Variants in LRGUK observed in about 807,000 individuals in gnomAD.
The protein encoded by LRGUK is leucine-rich repeat and guanylate kinase domain-containing protein.
In LRGUK, 65 loss-of-function variants were observed where a neutral mutation model predicts 76.0. The ratio of observed to expected loss-of-function variants is 0.85; its 90% confidence interval spans 0.70 to 1.05. LRGUK has a LOEUF of 1.05. Among genes scored for constraint, LRGUK ranks in the 50% least tolerant of loss-of-function variants. LRGUK has a pLI of 0.00. For synonymous variants in LRGUK, 268 were observed against 265.6 expected (o/e 1.01, Z -0.09); for missense variants, 758 against 732.8 (o/e 1.03, Z -0.40).
At chr7:134,132,396 C>T (rs1310787018) in intron 1 of LRGUK, among the ~76,000 whole-genome samples, 1 of 151,960 alleles carries the variant, frequency 6.6e-6, no homozygotes, top group Non-Finnish European at 1.5e-5. Context: ...GGTTACGCTA[C>T]AAATAGGTTA....
intron 18 of LRGUK, among the ~76,000 whole-genome samples, chr7:134,249,370 A>G (rs529030122): frequency 6.6e-6 from 1 of 152,330 alleles, no homozygotes; most frequent in East Asian, 1.9e-4. Context: ...CCGAGATTTC[A>G]GAGGAAGAGC....
intron 18 of LRGUK, among the ~76,000 whole-genome samples, chr7:134,250,782 G>A (rs1802423498): frequency 6.6e-6 from 1 of 152,144 alleles, no homozygotes; most frequent in Non-Finnish European, 1.5e-5. Flanking sequence ...GTACAGTGAG[G>A]TAGGCAGATG....
Position 134,127,371 on chromosome 7 carries a change from G to A in LRGUK, c.4G>A (p.Ala2Thr), listed in dbSNP as rs1396597815. Residue 2 changes from alanine (A) to threonine (T), a missense_variant, in exon 1 of 16, where the codon GCG becomes ACG. Coordinates refer to ENST00000645682, the Ensembl canonical transcript of LRGUK. ...CTAGGCAACCCCGCTAAACAAGATG[G>A]CGACCTCCGAGAGGGCTCTCCTGAG... 7 of 1,597,116 alleles carry A rather than the reference G, an allele frequency of 4.4e-6. No homozygotes were observed. The East Asian group carries it at 1.1e-4, about 26-fold the overall frequency.
chr7:134,194,820 C>T (rs1005703683), intron 12 of LRGUK, among the ~76,000 whole-genome samples: 4 of 152,136 alleles, frequency 2.6e-5, no homozygotes, highest in African/African-American at 9.7e-5. Flanking sequence ...CAGTGTGAGC[C>T]GGGCAGCCAG....
intron 19 of LRGUK, among the ~76,000 whole-genome samples, chr7:134,259,040 A>G (rs1253091993): frequency 6.6e-6 from 1 of 152,156 alleles, no homozygotes; most frequent in African/African-American, 2.4e-5. Context: ...GACTCCATTC[A>G]ATGAAGGTGA....
At chr7:134,176,637 C>G (rs1192413681) in intron 8 of LRGUK, among the ~76,000 whole-genome samples, 2 of 151,952 alleles carry the variant, frequency 1.3e-5, no homozygotes, top group African/African-American at 2.4e-5. Flanking sequence ...GCCTTGGCCT[C>G]GCAAAGTGCT....
chr7:134,188,055 A>C (rs1295380748), intron 11 of LRGUK, among the ~76,000 whole-genome samples: 2 of 152,240 alleles, frequency 1.3e-5, no homozygotes, highest in Non-Finnish European at 2.9e-5. Context: ...AGAATGGTTC[A>C]TTTATTCATT....
chr7:134,144,133 C>T (rs1028084170), intron 4 of LRGUK, among the ~76,000 whole-genome samples: 10 of 152,160 alleles, frequency 6.6e-5, no homozygotes, highest in Non-Finnish European at 1.0e-4. Flanking sequence ...ATTCTTGTCT[C>T]ACCACAACTT....
chr7:134,141,789 A>G (rs979832480), intron 3 of LRGUK: 1 of 152,176 alleles, frequency 6.6e-6, no homozygotes, highest in South Asian at 2.1e-4. Context: ...AAGCAATTAC[A>G]GTTTCTCCTT....
In LRGUK at chr7:134,178,492, T is replaced by A. The variant is rs977228168; in HGVS notation, c.1108-11T>A. On this transcript the variant is annotated splice_polypyrimidine_tract_variant and intron_variant, in intron 9 of 15. Transcript: ENST00000645682. ...CTTTTTTTCCCTTTTACATCTCTAA[T>A]TCTGGAAAAGGTTTCAGCAGTGAAT... is the stretch of plus-strand genomic sequence containing the variant. 1.9e-6 allele frequency: 3 copies of A among 1,593,080 alleles called. No individual in the cohort carries two copies. Among genetic ancestry groups the A allele is most frequent in the Non-Finnish European group, 2.6e-6 (3 of 1,170,272 alleles).
intron 15 of LRGUK, 42 bp downstream of exon 15, chr7:134,201,618 C>A: frequency 7.7e-7 from 1 of 1,301,962 alleles, no homozygotes; most frequent in South Asian, 1.3e-5. Flanking sequence ...TTTTTTTTTT[C>A]ATGGAAAGGA....
chr7:134,223,927 G>C (rs1400103124), intron 16 of LRGUK, among the ~76,000 whole-genome samples: 3 of 152,104 alleles, frequency 2.0e-5, no homozygotes, highest in Non-Finnish European at 4.4e-5. Flanking sequence ...CAGCTAACTA[G>C]TAGGTTTTTT....
chr7:134,257,565 G>A (rs142791035), intron 18 of LRGUK, among the ~76,000 whole-genome samples: 121 of 152,260 alleles, frequency 7.9e-4, no homozygotes, highest in Non-Finnish European at 1.4e-3. Flanking sequence ...CAGTACTTTC[G>A]GAGGCCGAGG....
intron 15 of LRGUK, among the ~76,000 whole-genome samples, chr7:134,203,064 G>A (rs1279018897): frequency 1.3e-5 from 2 of 152,060 alleles, no homozygotes; most frequent in Non-Finnish European, 1.5e-5. Context: ...TTAGCCAGGC[G>A]TGGTGGCATG....
intron 18 of LRGUK, among the ~76,000 whole-genome samples, chr7:134,249,619 G>A (rs1156509286): frequency 6.6e-6 from 1 of 151,992 alleles, no homozygotes; most frequent in Non-Finnish European, 1.5e-5. Context: ...TTAGTATGAC[G>A]CTGTATTTCA....
intron 11 of LRGUK, 112 bp downstream of exon 11, chr7:134,183,965 C>A: frequency 7.3e-7 from 1 of 1,375,734 alleles, no homozygotes. Flanking sequence ...TAATTTTAAG[C>A]AATTTCAGAA....
At position 134,230,014 on chromosome 7, in the gene LRGUK, G is replaced by A. The variant is rs190979139; in HGVS notation, c.1983+8096G>A. Among the ~76,000 whole-genome samples, 300 of 152,162 alleles carry A rather than the reference G, an allele frequency of 2.0e-3. 1 individual carries two copies. Among genetic ancestry groups the A allele is most frequent in the African/African-American group, 6.6e-3 (274 of 41,530 alleles). On this transcript the variant is annotated intron_variant, in intron 16 of 19. Coordinates refer to the LRGUK transcript ENST00000285928. ...ATGTAACACAAAAAGCATTCATTAT[G>A]AAGGAAAAATCTGGAATATTACAGT...
At chr7:134,135,303 G>C (rs1214008077) in intron 1 of LRGUK, among the ~76,000 whole-genome samples, 1 of 152,146 alleles carries the variant, frequency 6.6e-6, no homozygotes, top group Non-Finnish European at 1.5e-5. Context: ...TTGACTTCTG[G>C]TCTCCTCCCC....
intron 10 of LRGUK, among the ~76,000 whole-genome samples, chr7:134,180,729 G>T (rs1485685327): frequency 2.0e-5 from 3 of 151,904 alleles, no homozygotes; most frequent in African/African-American, 4.8e-5. Flanking sequence ...GTTTTTTATT[G>T]TGGTAAAATA....
Sources: allele counts gnomAD v4.1 joint callset (sites outside exome capture counted in the v4.1 genomes callset), GRCh38; gene constraint gnomAD v4.1.1; transcripts MANE v1.5; gene names NCBI Gene and HGNC (gene_info 2026-07-23, HGNC 2026-07-21).